NDUFAF7: variants seen among roughly 807,000 people sequenced by gnomAD.
NDUFAF7 encodes NADH:ubiquinone oxidoreductase complex assembly factor 7.
NDUFAF7 carries 48 observed loss-of-function variants against 47.2 expected under a neutral mutation model. The observed-to-expected ratio is 1.02, with a 90% confidence interval of 0.81 to 1.29. The LOEUF (loss-of-function observed/expected upper bound fraction) is 1.29. Among genes scored for constraint, NDUFAF7 ranks in the 50% most tolerant of loss-of-function variants. The probability of loss-of-function intolerance (pLI) is 0.00; values close to 1 mark genes in which losing one functional copy is unlikely to be tolerated. For synonymous variants in NDUFAF7, 217 were observed against 190.0 expected, an observed-to-expected ratio of 1.14 and a Z score of -1.17; for missense variants, 635 against 537.6, an observed-to-expected ratio of 1.18 and a Z score of -1.79.
rs770320108 is a variant in NDUFAF7, at chr2:37,236,281, CAA to C, written c.297+108_297+109del. 4.6e-4 allele frequency: 480 copies of C among 1,034,502 alleles called. 1 individual carries two copies. The highest frequency in any genetic ancestry group is 6.6e-4 in the Non-Finnish European group (438 of 660,938). The allele number at this position is 1,034,502 out of a possible 1,614,324, so 64.1% of individuals were successfully genotyped here. ...TTCTACAGCTTTTTTTGTGATTCATCAAAAGTTTTAACTTTATAGTAGTTTAT... is the reference window on the plus strand; with the variant it reads ...TTCTACAGCTTTTTTTGTGATTCATCAAGTTTTAACTTTATAGTAGTTTAT... On this transcript the variant is annotated intron_variant, in intron 3 of 9. Coordinates refer to ENST00000002125, the MANE Select transcript of NDUFAF7 (RefSeq NM_144736.5).
downstream of NDUFAF7, chr2:37,257,018 C>T (rs1416033701): frequency 1.5e-6 from 2 of 1,346,504 alleles, no homozygotes. Flanking sequence ...TGTATCATTT[C>T]AACATACTTG....
the NDUFAF7 span, chr2:37,268,443 T>A: frequency 2.2e-6 from 1 of 449,576 alleles, no homozygotes; most frequent in Non-Finnish European, 4.5e-6. Flanking sequence ...CTGCTTTATG[T>A]CACAATACTA....
rs201504205 is a variant in NDUFAF7, at chr2:37,247,426, G to A, written c.937-30G>A. 1.4e-4 allele frequency: 224 copies of A among 1,612,976 alleles called. 1 individual carries two copies. Among genetic ancestry groups the A allele is most frequent in the Non-Finnish European group, 1.8e-4 (214 of 1,179,422 alleles). On this transcript the variant is annotated intron_variant, in intron 8 of 9. Transcript: ENST00000002125. ...TTCTTTAATCTTAATAACCATAAAAGGGCAAAAATCTGATTTCTTTATGTT... is the reference window on the plus strand; with the variant it reads ...TTCTTTAATCTTAATAACCATAAAAAGGCAAAAATCTGATTTCTTTATGTT...
At chr2:37,264,815 C>G in the NDUFAF7 span, among the ~76,000 whole-genome samples, 16,194 of 152,128 alleles carry the variant, frequency 0.11, 1,086 homozygotes, top group African/African-American at 0.19. Context: ...TTTTGATTCA[C>G]TTTCATAAAG....
chr2:37,247,379 A>G, intron 8 of NDUFAF7, 77 bp from the exon 9 acceptor site: 2 of 1,519,416 alleles, frequency 1.3e-6, no homozygotes, highest in Non-Finnish European at 1.8e-6. Flanking sequence ...GTAAATATTA[A>G]ATAACTTTAA....
At position 37,237,819 on chromosome 2, in the gene NDUFAF7, G is replaced by A; in HGVS notation, c.360G>A (p.Leu120=). 1 of 1,613,806 alleles carries A rather than the reference G, an allele frequency of 6.2e-7. No homozygotes were observed. Among genetic ancestry groups the A allele is most frequent in the Non-Finnish European group, 8.5e-7 (1 of 1,179,826 alleles). Residue 120 remains leucine, a synonymous_variant, in exon 4 of 10, where the codon CTG becomes CTA. Transcript: ENST00000002125. The stretch of plus-strand genomic sequence containing the variant: ...CTGGAAAAAGCACAGCTTTCCAGCT[G>A]GTGGAACTGGGCCCAGGTAGGGGAA... ...MATGKSTAFQ[L]VELGPGRGTL... is the part of the protein sequence containing the mutation.
chr2:37,251,397 A>G (rs1667478928), downstream of NDUFAF7: 1 of 152,502 alleles, frequency 6.6e-6, no homozygotes, highest in Non-Finnish European at 1.5e-5. Context: ...CAGTAAGTTA[A>G]TCTCCCCTTG....
chr2:37,233,075 G>A (rs1275747856), intron 2 of NDUFAF7, among the ~76,000 whole-genome samples: 1 of 152,184 alleles, frequency 6.6e-6, no homozygotes, highest in East Asian at 1.9e-4. Flanking sequence ...GGTGGTACTA[G>A]AAATAGAAGA....
At chr2:37,256,628 ATTTTTTTTTT>A (rs56389006), downstream of NDUFAF7, 3,445 of 1,198,338 alleles carry the variant, frequency 2.9e-3, 3 homozygotes, top group East Asian at 7.6e-3. Context: ...CATAGCCAAA[ATTTTTTTTTT>A]TTTTTTTTTT....
intron 4 of NDUFAF7, among the ~76,000 whole-genome samples, chr2:37,240,425 AAC>A (rs1666234264): frequency 6.6e-6 from 1 of 151,742 alleles, no homozygotes; most frequent in Non-Finnish European, 1.5e-5. Flanking sequence ...AAAAAACACC[AAC>A]ACATACTCAA....
At chr2:37,249,643 G>GAGACACACACACACACACAC (rs1553361382), downstream of NDUFAF7, among the ~76,000 whole-genome samples, 1 of 132,524 alleles carries the variant, frequency 7.5e-6, no homozygotes, top group African/African-American at 3.0e-5. Context: ...CTGTGATAGA[G>GAGACACACACACACACACAC]ACACACACAC....
chr2:37,256,652 T>TCCC, downstream of NDUFAF7: 1 of 1,406,460 alleles, frequency 7.1e-7, no homozygotes, highest in Non-Finnish European at 9.2e-7. Flanking sequence ...TTTTTTTTTT[T>TCCC]TTTTTTTACC....
At chr2:37,231,894 A>G in intron 1 of NDUFAF7, 134 bp downstream of exon 1, 1 of 1,583,002 alleles carries the variant, frequency 6.3e-7, no homozygotes, top group Non-Finnish European at 8.6e-7. Flanking sequence ...CCTGGGCTGG[A>G]AACGGGTCCG....
At chr2:37,260,683 A>C in the NDUFAF7 span, among the ~76,000 whole-genome samples, 1 of 152,164 alleles carries the variant, frequency 6.6e-6, no homozygotes, top group Non-Finnish European at 1.5e-5. Context: ...ACACTGCTCT[A>C]ATTTCATGCT....
intron 4 of NDUFAF7, among the ~76,000 whole-genome samples, chr2:37,239,584 G>A (rs978335998): frequency 2.0e-5 from 3 of 152,108 alleles, no homozygotes; most frequent in Non-Finnish European, 2.9e-5. Context: ...ATAAAATAGC[G>A]GAAAATAACA....
downstream of NDUFAF7, chr2:37,251,189 C>A (rs572087144): frequency 1.4e-4 from 21 of 152,556 alleles, no homozygotes; most frequent in African/African-American, 4.6e-4. Flanking sequence ...GGGAAAATAA[C>A]ATTTCTAAAA....
chr2:37,241,368 A>G (rs1050422280), intron 4 of NDUFAF7, among the ~76,000 whole-genome samples: 2 of 152,166 alleles, frequency 1.3e-5, no homozygotes, highest in African/African-American at 2.4e-5. Context: ...TAGGAAACCA[A>G]ATTGTGCATT....
At chr2:37,234,209 C>T (rs1317362855) in intron 2 of NDUFAF7, among the ~76,000 whole-genome samples, 1 of 152,152 alleles carries the variant, frequency 6.6e-6, no homozygotes, top group Non-Finnish European at 1.5e-5. Flanking sequence ...TGTGCCTCAG[C>T]CTCCCGAGTA....
In NDUFAF7 at chr2:37,241,505, A is replaced by T. The variant is rs769666355; in HGVS notation, c.409-73A>T. The T allele has an allele frequency of 8.1e-5, 99 of 1,223,396 alleles. 1 individual carries two copies. The highest frequency in any genetic ancestry group is 1.1e-4 in the Non-Finnish European group (97 of 851,060). The allele number at this position is 1,223,396 out of a possible 1,614,324, so 75.8% of individuals were successfully genotyped here. On this transcript the variant is annotated intron_variant, in intron 4 of 9. Transcript: ENST00000002125. ...ACCTCTATTGTGACATGACTAAATC[A>T]TTGATGTAAATGATTAGGAAACTTA...
Sources: allele counts gnomAD v4.1 joint callset (sites outside exome capture counted in the v4.1 genomes callset), GRCh38; gene constraint gnomAD v4.1.1; transcripts MANE v1.5; gene names NCBI Gene and HGNC (gene_info 2026-07-23, HGNC 2026-07-21).